The following TRPV4 variants were observed in gnomAD, a reference collection of about 807,000 sequenced individuals.
TRPV4 encodes transient receptor potential cation channel subfamily V member 4.
A neutral mutation model predicts 84.1 loss-of-function variants in TRPV4; 58 were observed. The observed-to-expected ratio is 0.69, with a 90% CI of 0.56 to 0.86. The LOEUF (loss-of-function observed/expected upper bound fraction) is 0.86. Among genes scored for constraint, TRPV4 ranks in the 40% least tolerant of loss-of-function variants. TRPV4 has a pLI of 0.00. For missense variants in TRPV4, 879 were observed against 1,181.1 expected (o/e 0.74, Z 3.75); for synonymous variants, 489 against 500.9 (o/e 0.98, Z 0.32).
chr12:109,791,407 G>A (rs914854095), intron 12 of TRPV4, among the ~76,000 whole-genome samples: 14 of 150,660 alleles, frequency 9.3e-5, no homozygotes, highest in Admixed American at 8.6e-4. Flanking sequence ...ATAAGTGGGT[G>A]CTATTTTAAG....
At chr12:109,788,113 A>C (rs1039252926) in intron 13 of TRPV4, among the ~76,000 whole-genome samples, 5 of 152,214 alleles carry the variant, frequency 3.3e-5, no homozygotes, top group Admixed American at 2.6e-4. Flanking sequence ...AGCCGGCAGA[A>C]GTCACTCAGT....
Position 109,783,854 on chromosome 12 carries a change from G to A in TRPV4, c.2459-76C>T. On this transcript the variant is annotated intron_variant, in intron 15 of 15. Coordinates refer to ENST00000261740, the MANE Select transcript of TRPV4 (RefSeq NM_021625.5). This position sits in a 1 kb window ranked among gnomAD's most constrained non-coding sequence, Gnocchi z 4.6. The stretch of plus-strand genomic sequence containing the variant: ...CGTGCGTATATTGAGTGCCTACTGT[G>A]TACTGGGCACTCCACAGTGTTCTGA... 1 of 1,525,838 alleles carries A rather than the reference G, an allele frequency of 6.6e-7. No individual in the cohort carries two copies. The highest frequency in any genetic ancestry group is 8.9e-7 in the Non-Finnish European group (1 of 1,117,438). The allele number at this position is 1,525,838 out of a possible 1,614,324, so 94.5% of individuals were successfully genotyped here.
In TRPV4 at chr12:109,794,413, GA is replaced by G. The variant is rs1224606036; in HGVS notation, c.1406del (p.Val469AlafsTer66). The G allele has an allele frequency of 6.2e-7, 1 of 1,614,048 alleles. No homozygotes were observed. Among genetic ancestry groups the G allele is most frequent in the Non-Finnish European group, 8.5e-7 (1 of 1,180,036 alleles). On this transcript the variant is annotated frameshift_variant, in exon 8 of 16. Transcript: ENST00000261740. LOFTEE classifies it high-confidence loss of function. ...LRDKWRKFGA[V>X]SFYINVVSYL... ...AGGAGACCACGTTGATGTAGAAGGA[GA>G]CGGCCCCGAACTTGCGCCACTTGTC... is the stretch of plus-strand genomic sequence containing the variant.
chr12:109,799,783 C>T (rs73202458), intron 5 of TRPV4, among the ~76,000 whole-genome samples: 319 of 151,978 alleles, frequency 2.1e-3, no homozygotes, highest in Non-Finnish European at 3.5e-3. Context: ...TTTTTAAAGA[C>T]GGGGTCTTGC....
chr12:109,824,467 T>G (rs1385845113), intron 1 of TRPV4, among the ~76,000 whole-genome samples: 1 of 151,940 alleles, frequency 6.6e-6, no homozygotes, highest in Admixed American at 6.6e-5. Flanking sequence ...CATCAAATTC[T>G]TAGTCCGGCC....
intron 1 of TRPV4, among the ~76,000 whole-genome samples, chr12:109,820,462 T>C (rs1380241583): frequency 2.0e-5 from 3 of 148,796 alleles, no homozygotes; most frequent in Admixed American, 1.4e-4. Flanking sequence ...ACTTGCTGGG[T>C]GAGTATGAGC....
intron 5 of TRPV4, among the ~76,000 whole-genome samples, chr12:109,799,442 C>T (rs1291142228): frequency 6.6e-6 from 1 of 152,216 alleles, no homozygotes; most frequent in East Asian, 1.9e-4. Context: ...AGCCACCGCG[C>T]CCAGCTGATG....
At chr12:109,819,900 T>C (rs1429455027) in intron 1 of TRPV4, among the ~76,000 whole-genome samples, 3 of 152,206 alleles carry the variant, frequency 2.0e-5, no homozygotes, top group Non-Finnish European at 4.4e-5. Flanking sequence ...TTAAATCCTA[T>C]ATATTCAAAA....
chr12:109,805,820 GCA>G (rs1313601847), intron 3 of TRPV4, among the ~76,000 whole-genome samples: 1 of 152,172 alleles, frequency 6.6e-6, no homozygotes, highest in Non-Finnish European at 1.5e-5. Context: ...CCACACTCAT[GCA>G]CAGACACACA....
intron 11 of TRPV4, 42 bp from the exon 12 acceptor site, chr12:109,792,471 AT>A: frequency 6.3e-7 from 1 of 1,599,552 alleles, no homozygotes; most frequent in Non-Finnish European, 8.6e-7. Flanking sequence ...GAGGAGACAC[AT>A]GGTTTCTCAC....
chr12:109,827,715 T>C lies in TRPV4; in HGVS notation c.-32+5635A>G, dbSNP rs148279615. Among the ~76,000 whole-genome samples, 187 of 151,742 alleles carry C rather than the reference T, an allele frequency of 1.2e-3. 3 individuals carry two copies. Among genetic ancestry groups the C allele is most frequent in the African/African-American group, 3.9e-3 (162 of 41,336 alleles). ...TCACATACACACATACACATGTATA[T>C]ACATACACATATGCACACACATACA... is the stretch of plus-strand genomic sequence containing the variant. On this transcript the variant is annotated intron_variant, in intron 1 of 15. Coordinates refer to ENST00000261740, the MANE Select transcript of TRPV4 (RefSeq NM_021625.5).
intron 5 of TRPV4, 120 bp from the exon 6 acceptor site, chr12:109,799,032 G>A: frequency 1.0e-6 from 1 of 980,184 alleles, no homozygotes; most frequent in Non-Finnish European, 1.5e-6. Flanking sequence ...GACAGCACCA[G>A]CAGTGGATAT....
chr12:109,793,811 G>A lies in TRPV4; in HGVS notation c.1584+119C>T. On this transcript the variant is annotated intron_variant, in intron 9 of 15. Coordinates refer to ENST00000261740, the MANE Select transcript of TRPV4 (RefSeq NM_021625.5). This position sits in a 1 kb window ranked among gnomAD's most constrained non-coding sequence, Gnocchi z 4.0. ...GAAGAGAAATGGGAAAATAAAAGGA[G>A]GAAGGAAAGGAGAAGGACCATTTGG... 1 of 880,614 alleles carries A rather than the reference G, an allele frequency of 1.1e-6. No individual in the cohort carries two copies. The highest frequency in any genetic ancestry group is 2.6e-5 in the East Asian group (1 of 38,300). 54.6% of individuals were successfully genotyped at this position (880,614 alleles called of 1,614,324 possible). A position where few individuals can be genotyped will look rare whatever the true frequency, so the allele number is the denominator to read the frequency against.
intron 3 of TRPV4, among the ~76,000 whole-genome samples, chr12:109,804,911 C>T (rs1891025655): frequency 6.6e-6 from 1 of 152,204 alleles, no homozygotes; most frequent in Non-Finnish European, 1.5e-5. Flanking sequence ...GGTCTTTGCA[C>T]CTGCTGTCTC....
At chr12:109,829,448 C>T (rs886558544) in intron 1 of TRPV4, among the ~76,000 whole-genome samples, 1 of 152,240 alleles carries the variant, frequency 6.6e-6, no homozygotes, top group Non-Finnish European at 1.5e-5. Flanking sequence ...AGTCAATGCT[C>T]ATAAATATTT....
chr12:109,797,740 T>C (rs1302354878), intron 6 of TRPV4, among the ~76,000 whole-genome samples: 1 of 152,104 alleles, frequency 6.6e-6, no homozygotes. Flanking sequence ...TCTCAAATAA[T>C]CCAGGCTGGA....
rs1055242239 is a variant in TRPV4 at position 109,793,797 on chromosome 12, G to A, written c.1584+133C>T. The stretch of plus-strand genomic sequence containing the variant: ...GATTGGAGGAGGTAGAAGAGAAATG[G>A]GAAAATAAAAGGAGGAAGGAAAGGA... On this transcript the variant is annotated intron_variant, in intron 9 of 15. Coordinates refer to ENST00000261740, the MANE Select transcript of TRPV4 (RefSeq NM_021625.5). This position sits in a 1 kb window ranked among gnomAD's most constrained non-coding sequence, Gnocchi z 4.0. 7.0e-6 allele frequency: 6 copies of A among 862,932 alleles called. No individual in the cohort carries two copies. In the African/African-American group the frequency reaches 1.0e-4, roughly 14 times the overall value. The allele number at this position is 862,932 out of a possible 1,614,324, so 53.5% of individuals were successfully genotyped here.
intron 1 of TRPV4, among the ~76,000 whole-genome samples, chr12:109,831,866 C>G (rs564930650): frequency 6.6e-6 from 1 of 152,340 alleles, no homozygotes; most frequent in Admixed American, 6.5e-5. Context: ...TGTCTGGGAC[C>G]CCTTCCGCGT....
intron 7 of TRPV4, 72 bp from the exon 8 acceptor site, chr12:109,794,559 G>A: frequency 6.5e-7 from 1 of 1,532,858 alleles, no homozygotes; most frequent in Non-Finnish European, 9.0e-7. Context: ...TGCCTCGGGT[G>A]TGCCTTCCCC....
Sources: allele counts gnomAD v4.1 joint callset (sites outside exome capture counted in the v4.1 genomes callset), GRCh38; gene constraint gnomAD v4.1.1; non-coding constraint Gnocchi (gnomAD v3.1); transcripts MANE v1.5; gene names NCBI Gene and HGNC (gene_info 2026-07-23, HGNC 2026-07-21).